Variants in VASH1 observed in about 807,000 individuals in gnomAD.
The protein encoded by VASH1 is vasohibin 1.
A neutral mutation model predicts 35.0 loss-of-function variants in VASH1; 16 were observed. That is an observed-to-expected ratio of 0.46 (90% CI 0.31 to 0.70). VASH1 has a LOEUF of 0.70. Among genes scored for constraint, VASH1 ranks in the 30% least tolerant of loss-of-function variants. The pLI is 0.05. For missense variants in VASH1, 505 were observed against 510.7 expected (o/e 0.99, Z 0.11); for synonymous variants, 214 against 200.9 (o/e 1.07, Z -0.55).
chr14:76,778,540 T>C (rs1293028507), intron 6 of VASH1, among the ~76,000 whole-genome samples: 3 of 152,026 alleles, frequency 2.0e-5, no homozygotes, highest in Non-Finnish European at 2.9e-5. Flanking sequence ...TTAAATATAA[T>C]TGTCATTCAG....
chr14:76,778,083 AC>A lies in VASH1; in HGVS notation c.1025+14del. On this transcript the variant is annotated intron_variant, in intron 6 of 6. Coordinates refer to ENST00000167106, the MANE Select transcript of VASH1 (RefSeq NM_014909.5). ...CGCAGTGAAAGACGGTGAGAGAGGGACCACGCCTGGGTGGGTCCAAAGAGGG... is the reference window on the plus strand; with the variant it reads ...CGCAGTGAAAGACGGTGAGAGAGGGACACGCCTGGGTGGGTCCAAAGAGGG... The A allele has an allele frequency of 6.8e-7, 1 of 1,465,290 alleles. No homozygotes were observed. Among genetic ancestry groups the A allele is most frequent in the Non-Finnish European group, 9.0e-7 (1 of 1,109,030 alleles). The allele number at this position is 1,465,290 out of a possible 1,614,324, so 90.8% of individuals were successfully genotyped here. A position where few individuals can be genotyped will look rare whatever the true frequency, so the allele number is the denominator to read the frequency against.
intron 3 of VASH1, 54 bp from the exon 4 acceptor site, chr14:76,773,083 C>G: frequency 6.4e-7 from 1 of 1,571,452 alleles, no homozygotes; most frequent in Non-Finnish European, 8.7e-7. Context: ...TTCTCACATT[C>G]CCCTGGAGGG....
intron 4 of VASH1, among the ~76,000 whole-genome samples, chr14:76,775,691 T>C (rs1893916732): frequency 6.6e-6 from 1 of 152,170 alleles, no homozygotes; most frequent in Non-Finnish European, 1.5e-5. Flanking sequence ...GTTCCCTTTA[T>C]TGAGCTCCAG....
At position 76,779,328 on chromosome 14, in the gene VASH1, A is replaced by C. The variant is rs901421596; in HGVS notation, c.*310A>C. 1.1e-5 allele frequency: 8 copies of C among 701,794 alleles called. No individual in the cohort carries two copies. Among genetic ancestry groups the C allele is most frequent in the Admixed American group, 8.0e-5 (4 of 49,944 alleles). The allele number at this position is 701,794 out of a possible 1,614,324, so 43.5% of individuals were successfully genotyped here. Reference sequence around the variant, plus strand: ...GGGAAGGCCAGTGCTTAACAAATCCATGTGTCATGGGGCCAGGTGAGGGAA... The same window carrying C: ...GGGAAGGCCAGTGCTTAACAAATCCCTGTGTCATGGGGCCAGGTGAGGGAA... On this transcript the variant is annotated 3_prime_UTR_variant, in exon 7 of 7. Transcript: ENST00000167106.
In VASH1 at chr14:76,762,891, G is replaced by C; in HGVS notation, c.70G>C (p.Ala24Pro). The C allele has an allele frequency of 6.4e-7, 1 of 1,553,708 alleles. No individual in the cohort carries two copies. The highest frequency in any genetic ancestry group is 8.7e-7 in the Non-Finnish European group (1 of 1,149,784). ...CACTCCAACGTCCGCTGCGGCCACC[G>C]CCCCCTCTGGGGTCAGGCGTTTGGA... ...GATPTSAAAT[A>P]PSGVRRLETS... The change falls in exon 1 of 7, where the codon GCC (alanine) becomes CCC (proline). Residue 24 changes from alanine to proline, a missense_variant. Coordinates refer to ENST00000167106, the MANE Select transcript of VASH1 (RefSeq NM_014909.5).
rs561784719 is a variant in VASH1 at position 76,773,479 on chromosome 14, C to T, written c.530+268C>T. 2.6e-5 allele frequency: 13 copies of T among 500,110 alleles called. 1 individual carries two copies. The South Asian group carries it at 4.3e-4, about 17-fold the overall frequency. The allele number at this position is 500,110 out of a possible 1,614,324, so 31.0% of individuals were successfully genotyped here. On this transcript the variant is annotated intron_variant, in intron 4 of 6. Transcript: ENST00000167106. ...TTTTGAGTCACGTGGATACAGGGAC[C>T]GTTTTCTGAACCCCAAATCAGGGCA...
Position 76,761,936 on chromosome 14 carries a change from C to T in VASH1, c.-886C>T, listed in dbSNP as rs1595264243. Among the ~76,000 whole-genome samples the T allele has an allele frequency of 6.6e-6, 1 of 151,792 alleles. No individual in the cohort carries two copies. Among genetic ancestry groups the T allele is most frequent in the Non-Finnish European group, 1.5e-5 (1 of 67,894 alleles). ...GCCGGTCCCGCTGAGCCGCGGGCCC[C>T]GTGCCCTGCGATGGCTCGGCTGGTG... On this transcript the variant is annotated 5_prime_UTR_variant, in exon 1 of 7. Transcript: ENST00000167106.
chr14:76,775,442 G>C (rs1893908301), intron 4 of VASH1, among the ~76,000 whole-genome samples: 1 of 152,152 alleles, frequency 6.6e-6, no homozygotes. Context: ...GCCACAGGCA[G>C]GGTTGCATGT....
In VASH1 at chr14:76,781,770, A is replaced by T. The variant is rs920491692; in HGVS notation, c.*2752A>T. On this transcript the variant is annotated 3_prime_UTR_variant, in exon 7 of 7. Transcript: ENST00000167106. ...TTAAATTTATTTTTAACTGTTTCTC[A>T]TATGTAGCAACCCCTCCTCCCCTCC... is the stretch of plus-strand genomic sequence containing the variant. The T allele has an allele frequency of 2.6e-5, 4 of 152,696 alleles. No individual in the cohort carries two copies. 9.5% of individuals were successfully genotyped at this position (152,696 alleles called of 1,614,324 possible). A position where few individuals can be genotyped will look rare whatever the true frequency, so the allele number is the denominator to read the frequency against.
intron 2 of VASH1, among the ~76,000 whole-genome samples, chr14:76,770,286 C>T (rs753948775): frequency 6.6e-6 from 1 of 152,166 alleles, no homozygotes; most frequent in African/African-American, 2.4e-5. Flanking sequence ...CTGCCACCCC[C>T]TTCCCGCTCC....
Position 76,762,730 on chromosome 14 carries a change from T to C in VASH1, c.-92T>C, listed in dbSNP as rs1893535258. ...GATTTCTTAAAGGCGCCTTGCACTC[T>C]GGCCATGTGTTATCTCTGCAGCCGG... On this transcript the variant is annotated 5_prime_UTR_variant, in exon 1 of 7. Coordinates refer to ENST00000167106, the MANE Select transcript of VASH1 (RefSeq NM_014909.5). 4 of 1,202,310 alleles carry C rather than the reference T, an allele frequency of 3.3e-6. No individual in the cohort carries two copies. The highest frequency in any genetic ancestry group is 5.5e-5 in the East Asian group (2 of 36,170). The allele number at this position is 1,202,310 out of a possible 1,614,324, so 74.5% of individuals were successfully genotyped here. A position where few individuals can be genotyped will look rare whatever the true frequency, so the allele number is the denominator to read the frequency against.
intron 2 of VASH1, 103 bp from the exon 3 acceptor site, chr14:76,771,087 A>G: frequency 1.6e-5 from 16 of 1,028,032 alleles, no homozygotes; most frequent in South Asian, 2.2e-5. Context: ...CTGTGCCCCC[A>G]TCTCCCCTCC....
At chr14:76,765,758 C>G (rs148729075) in intron 1 of VASH1, among the ~76,000 whole-genome samples, 65 of 152,316 alleles carry the variant, frequency 4.3e-4, no homozygotes, top group African/African-American at 1.5e-3. Context: ...ATCTGCAGTC[C>G]CACGTGGCAG....
Position 76,762,833 on chromosome 14 carries a change from G to A in VASH1, c.12G>A (p.Gly4=). 1.3e-6 allele frequency: 2 copies of A among 1,494,894 alleles called. No individual in the cohort carries two copies. Among genetic ancestry groups the A allele is most frequent in the South Asian group, 1.4e-5 (1 of 70,300 alleles). The allele number at this position is 1,494,894 out of a possible 1,614,324, so 92.6% of individuals were successfully genotyped here. MPG[G]KKVAGGGSSG... is the part of the protein sequence containing the mutation. ...TCGAAGATTTAGGGATGCCAGGGGG[G>A]AAGAAGGTGGCTGGGGGTGGCAGCA... The change falls in exon 1 of 7, where the codon GGG becomes GGA. Residue 4 remains glycine (G), a synonymous_variant. Coordinates refer to ENST00000167106, the MANE Select transcript of VASH1 (RefSeq NM_014909.5).
At chr14:76,768,006 G>GCTC (rs972310990) in intron 1 of VASH1, among the ~76,000 whole-genome samples, 2 of 152,298 alleles carry the variant, frequency 1.3e-5, no homozygotes, top group African/African-American at 2.4e-5. Flanking sequence ...CTTGTGGGAG[G>GCTC]GTGTACTACA....
intron 1 of VASH1, among the ~76,000 whole-genome samples, chr14:76,765,413 C>T (rs575036795): frequency 6.6e-6 from 1 of 152,280 alleles, no homozygotes; most frequent in African/African-American, 2.4e-5. Flanking sequence ...TCAGATAAAT[C>T]GCATGAGTCT....
intron 4 of VASH1, 96 bp downstream of exon 4, chr14:76,773,307 G>C (rs1381131199): frequency 1.6e-6 from 2 of 1,271,548 alleles, no homozygotes; most frequent in Non-Finnish European, 2.3e-6. Flanking sequence ...ATGGGCTCCA[G>C]GGCTCTCCCA....
At chr14:76,771,450 T>G (rs1362118117) in intron 3 of VASH1, among the ~76,000 whole-genome samples, 2 of 152,146 alleles carry the variant, frequency 1.3e-5, no homozygotes, top group Non-Finnish European at 2.9e-5. Context: ...AGGGCTGCCT[T>G]GATGAAAAGG....
chr14:76,772,598 A>G (rs988410858), intron 3 of VASH1, among the ~76,000 whole-genome samples: 2 of 152,238 alleles, frequency 1.3e-5, no homozygotes. Context: ...TTCCAAGTTC[A>G]GGAGCAGATC....
Sources: gnomAD v4.1 joint callset for allele counts (sites outside exome capture counted in the v4.1 genomes callset) on GRCh38, gnomAD v4.1.1 for gene constraint, MANE v1.5 for transcripts, NCBI Gene and HGNC (gene_info 2026-07-23, HGNC 2026-07-21) for gene names.